The following ELMO1 variants were observed in gnomAD, a reference collection of about 807,000 sequenced individuals.
The protein encoded by ELMO1 is engulfment and cell motility 1.
ELMO1 carries 26 observed loss-of-function variants against 98.9 expected under a neutral mutation model. The observed-to-expected ratio is 0.26, with a 90% CI of 0.19 to 0.36. ELMO1 has a LOEUF of 0.36. Ranked by LOEUF, ELMO1 falls within the 10% of genes least tolerant of loss-of-function variation. The pLI, the probability that ELMO1 is intolerant of heterozygous loss-of-function variation, is 1.00. For synonymous variants in ELMO1, 346 were observed against 346.0 expected, an observed-to-expected ratio of 1.00 and a Z score of 0.00; for missense variants, 627 against 935.2, an observed-to-expected ratio of 0.67 and a Z score of 4.30.
intron 16 of ELMO1, among the ~76,000 whole-genome samples, chr7:37,005,692 CAAAAAAAA>C (rs71553094): frequency 1.6e-4 from 6 of 37,494 alleles, no homozygotes; most frequent in Admixed American, 3.0e-4. Flanking sequence ...GACTCTGTCT[CAAAAAAAA>C]AAAAAAAAAA....
intron 15 of ELMO1, among the ~76,000 whole-genome samples, chr7:37,015,096 T>C (rs1371357702): frequency 6.6e-6 from 1 of 152,080 alleles, no homozygotes; most frequent in Non-Finnish European, 1.5e-5. Flanking sequence ...TTTGCACAGC[T>C]CACCATTTCT....
At chr7:37,335,755 T>C (rs1240245399) in intron 2 of ELMO1, among the ~76,000 whole-genome samples, 1 of 152,178 alleles carries the variant, frequency 6.6e-6, no homozygotes, top group Non-Finnish European at 1.5e-5. Context: ...CCCATTGCCC[T>C]TTTTGGGCCT....
At chr7:37,032,980 T>C (rs1236451078) in intron 15 of ELMO1, among the ~76,000 whole-genome samples, 1 of 152,182 alleles carries the variant, frequency 6.6e-6, no homozygotes, top group Non-Finnish European at 1.5e-5. Context: ...ATGGGTGGAA[T>C]CTAAATCATA....
At chr7:37,427,445 G>A (rs1314281453) in intron 1 of ELMO1, among the ~76,000 whole-genome samples, 9 of 152,300 alleles carry the variant, frequency 5.9e-5, no homozygotes, top group Middle Eastern at 3.4e-3. Context: ...ACACTGCAAC[G>A]TGTCACAGAT....
chr7:37,286,694 G>A (rs1014089198), intron 4 of ELMO1, among the ~76,000 whole-genome samples: 4 of 152,170 alleles, frequency 2.6e-5, no homozygotes, highest in Non-Finnish European at 5.9e-5. Flanking sequence ...TCAGGCAGAG[G>A]AAATAAATAC....
At chr7:37,192,970 GATATATATATAT>G (rs374892700) in intron 13 of ELMO1, among the ~76,000 whole-genome samples, 26 of 40,094 alleles carry the variant, frequency 6.5e-4, no homozygotes, top group Admixed American at 2.0e-3. Context: ...ATATATAGGA[GATATATATATAT>G]ATATATATAT....
At chr7:36,916,993 A>AAGAATTTAGGGGCAGAAAGG (rs1353575945) in intron 16 of ELMO1, among the ~76,000 whole-genome samples, 4 of 152,246 alleles carry the variant, frequency 2.6e-5, no homozygotes, top group Non-Finnish European at 4.4e-5. Context: ...GATACTTTGC[A>AAGAATTTAGGGGCAGAAAGG]AGAATTTAGG....
In ELMO1 at chr7:36,894,975, T is replaced by A. The variant is rs769301419; in HGVS notation, c.1480A>T (p.Thr494Ser). Reference sequence around the variant, plus strand: ...AACTGGTCCAGGGAGCTAGGCTTGGTTGTAAGTGCTCTCATAACCTGCTCC... The same window carrying A: ...AACTGGTCCAGGGAGCTAGGCTTGGATGTAAGTGCTCTCATAACCTGCTCC... ...VKEQVMRALT[T>S]KPSSLDQFKS... Residue 494 changes from threonine (T) to serine (S), a missense_variant, in exon 17 of 22, where the codon ACC becomes TCC. By Grantham distance (58) the Thr-to-Ser change is moderately conservative (BLOSUM62 1). Coordinates refer to ENST00000310758, the MANE Select transcript of ELMO1 (RefSeq NM_014800.11). The A allele has an allele frequency of 6.2e-7, 1 of 1,614,034 alleles. No individual in the cohort carries two copies. Among genetic ancestry groups the A allele is most frequent in the South Asian group, 1.1e-5 (1 of 91,066 alleles).
chr7:37,359,706 C>T (rs772776001), intron 1 of ELMO1, among the ~76,000 whole-genome samples: 1 of 152,180 alleles, frequency 6.6e-6, no homozygotes, highest in Non-Finnish European at 1.5e-5. Context: ...CCTTAATATG[C>T]ACAAGGCTTA....
At chr7:37,050,144 C>A (rs548109948) in intron 15 of ELMO1, among the ~76,000 whole-genome samples, 1 of 151,886 alleles carries the variant, frequency 6.6e-6, no homozygotes, top group Non-Finnish European at 1.5e-5. Context: ...AGTGGTGCAA[C>A]CTTGGCTCAC....
rs1266002661 is a variant in ELMO1 at position 37,213,466 on chromosome 7, A to G, written c.832-9T>C. 2.5e-6 allele frequency: 4 copies of G among 1,606,014 alleles called. No homozygotes were observed. Among genetic ancestry groups the G allele is most frequent in the Non-Finnish European group, 3.4e-6 (4 of 1,177,042 alleles). ...TGGGCTCGGATGACATGCTAGGGAG[A>G]TGGTTCACAAATGAAATTTTTTAAA... On this transcript the variant is annotated splice_polypyrimidine_tract_variant and intron_variant, in intron 11 of 21. Transcript: ENST00000310758.
intron 5 of ELMO1, 124 bp downstream of exon 5, chr7:37,271,708 G>A: frequency 1.0e-6 from 1 of 985,634 alleles, no homozygotes; most frequent in Non-Finnish European, 1.5e-6. Flanking sequence ...CTGCATGTCA[G>A]GACATTCTGG....
At chr7:37,417,112 A>C (rs962094691) in intron 1 of ELMO1, among the ~76,000 whole-genome samples, 6 of 152,218 alleles carry the variant, frequency 3.9e-5, no homozygotes, top group Non-Finnish European at 8.8e-5. Context: ...AGCCAAGGAA[A>C]CTGAGGCACA....
chr7:36,974,086 G>A lies in ELMO1; in HGVS notation c.1437+39213C>T, dbSNP rs144000555. Among the ~76,000 whole-genome samples the A allele has an allele frequency of 6.6e-3, 1,011 of 152,344 alleles. 41 individuals are homozygous for A. In the East Asian group the frequency reaches 0.13, roughly 20 times the overall value. ...TGAGCGCCGCCCCCTGTTCCACTGC[G>A]CCCAGTCCCATCGACCACCCAAGGG... On this transcript the variant is annotated intron_variant, in intron 16 of 21. Transcript: ENST00000310758.
intron 1 of ELMO1, among the ~76,000 whole-genome samples, chr7:37,343,411 A>C (rs1463390005): frequency 6.6e-6 from 1 of 151,432 alleles, no homozygotes; most frequent in Non-Finnish European, 1.5e-5. Context: ...TTGAATTCTC[A>C]CTTGAATGAA....
intron 2 of ELMO1, among the ~76,000 whole-genome samples, chr7:37,335,816 AGAGATG>A (rs1309241298): frequency 2.6e-5 from 4 of 152,216 alleles, no homozygotes; most frequent in Admixed American, 6.5e-5. Flanking sequence ...CACACTTGGT[AGAGATG>A]ATGGATCCCC....
At chr7:36,993,347 A>G (rs1318974841) in intron 16 of ELMO1, among the ~76,000 whole-genome samples, 2 of 152,212 alleles carry the variant, frequency 1.3e-5, no homozygotes, top group African/African-American at 4.8e-5. Flanking sequence ...CACACAATGA[A>G]TATCAGCAAC....
intron 1 of ELMO1, among the ~76,000 whole-genome samples, chr7:37,391,918 C>G (rs1803095585): frequency 6.6e-6 from 1 of 152,182 alleles, no homozygotes; most frequent in East Asian, 1.9e-4. Context: ...TGTGTACCCC[C>G]CTAAGAAAGC....
At chr7:36,880,653 T>C (rs1311645727) in intron 18 of ELMO1, among the ~76,000 whole-genome samples, 2 of 152,034 alleles carry the variant, frequency 1.3e-5, no homozygotes, top group African/African-American at 4.8e-5. Flanking sequence ...GAAAAGGAGC[T>C]CCCTCAGTTC....
Sources: allele counts gnomAD v4.1 joint callset (sites outside exome capture counted in the v4.1 genomes callset), GRCh38; gene constraint gnomAD v4.1.1; transcripts MANE v1.5; gene names NCBI Gene and HGNC (gene_info 2026-07-23, HGNC 2026-07-21).